The following SLC26A7 variants were observed in gnomAD, a reference collection of about 807,000 sequenced individuals.
The protein encoded by SLC26A7 is solute carrier family 26 member 7.
In SLC26A7, 59 loss-of-function variants were observed where a neutral mutation model predicts 82.5. The observed-to-expected ratio is 0.72, with a 90% CI of 0.58 to 0.89. The LOEUF is 0.89. Among genes scored for constraint, SLC26A7 ranks in the 40% least tolerant of loss-of-function variants. The pLI, the probability that SLC26A7 is intolerant of heterozygous loss-of-function variation, is 0.00. For missense variants in SLC26A7, 820 were observed against 793.0 expected (o/e 1.03, Z -0.41); for synonymous variants, 271 against 274.3 (o/e 0.99, Z 0.12).
At chr8:91,239,295 G>A (rs1252185188) in intron 2 of SLC26A7, among the ~76,000 whole-genome samples, 2 of 150,786 alleles carry the variant, frequency 1.3e-5, no homozygotes, top group East Asian at 3.9e-4. Context: ...GCGTGAGCCC[G>A]GGAGGCGGAG....
intron 11 of SLC26A7, among the ~76,000 whole-genome samples, chr8:91,358,479 G>C (rs538968986): frequency 1.5e-4 from 23 of 151,714 alleles, no homozygotes; most frequent in African/African-American, 5.6e-4. Flanking sequence ...ACAGGTGCCC[G>C]CCACCAGGCC....
chr8:91,307,824 AT>A (rs1413509621), intron 4 of SLC26A7, among the ~76,000 whole-genome samples: 1 of 151,088 alleles, frequency 6.6e-6, no homozygotes, highest in Admixed American at 6.6e-5. Context: ...AATAAAAAAA[AT>A]AAATTTCTTA....
intron 16 of SLC26A7, among the ~76,000 whole-genome samples, chr8:91,392,531 G>T (rs1808432848): frequency 6.6e-6 from 1 of 152,130 alleles, no homozygotes; most frequent in South Asian, 2.1e-4. Flanking sequence ...TTCTGAAAGT[G>T]TAAATAATAT....
At chr8:91,363,715 A>G (rs909650842) in intron 13 of SLC26A7, among the ~76,000 whole-genome samples, 177 bp downstream of exon 13, 10 of 152,160 alleles carry the variant, frequency 6.6e-5, no homozygotes, top group Non-Finnish European at 1.5e-4. Context: ...TACATGCAAC[A>G]AATCAATAGA....
chr8:91,353,677 A>G (rs1356953818), intron 11 of SLC26A7, among the ~76,000 whole-genome samples: 1 of 152,112 alleles, frequency 6.6e-6, no homozygotes, highest in African/African-American at 2.4e-5. Flanking sequence ...ATATTGGAAT[A>G]TAATTATTAA....
intron 15 of SLC26A7, among the ~76,000 whole-genome samples, chr8:91,388,613 A>G (rs1164056186): frequency 6.6e-6 from 1 of 152,152 alleles, no homozygotes; most frequent in African/African-American, 2.4e-5. Context: ...TTGCTCTGAA[A>G]GCCACATCAC....
chr8:91,328,968 T>C (rs890920283), intron 5 of SLC26A7, among the ~76,000 whole-genome samples: 2 of 152,132 alleles, frequency 1.3e-5, no homozygotes, highest in African/African-American at 4.8e-5. Context: ...AGCTGAACTC[T>C]CAATATATAA....
chr8:91,322,681 T>C (rs1812824774), intron 5 of SLC26A7, among the ~76,000 whole-genome samples: 1 of 152,192 alleles, frequency 6.6e-6, no homozygotes, highest in Non-Finnish European at 1.5e-5. Flanking sequence ...CTATGATAAA[T>C]TTGGCAAGGA....
At chr8:91,263,755 T>C (rs1811034420) in intron 2 of SLC26A7, among the ~76,000 whole-genome samples, 3 of 152,058 alleles carry the variant, frequency 2.0e-5, no homozygotes, top group Admixed American at 2.0e-4. Flanking sequence ...TAACTTCCAA[T>C]ACTTCTTTCT....
Position 91,313,513 on chromosome 8 carries a change from C to A in SLC26A7, c.478-4703C>A, listed in dbSNP as rs533021448. 2.0e-5 allele frequency among the ~76,000 whole-genome samples: 3 copies of A among 152,204 alleles called. No homozygotes were observed. The South Asian group carries it at 6.2e-4, about 32-fold the overall frequency. The stretch of plus-strand genomic sequence containing the variant: ...TAAATTGTTTTCCTAATGTTATTAG[C>A]AATTTAACTCTTTCCCCCAAACCTG... On this transcript the variant is annotated intron_variant, in intron 4 of 18. Transcript: ENST00000276609.
chr8:91,340,401 C>T lies in SLC26A7; in HGVS notation c.879-3C>T, dbSNP rs1420873381. On this transcript the variant is annotated splice_polypyrimidine_tract_variant and splice_region_variant and intron_variant, in intron 7 of 18. Coordinates refer to ENST00000276609, the MANE Select transcript of SLC26A7 (RefSeq NM_052832.4). ...GACTTCAATATGGTCCTTCTTTCCA[C>T]AGAATTCCCTCACCTAGAGCTCCCC... The T allele has an allele frequency of 1.2e-6, 2 of 1,613,128 alleles. No individual in the cohort carries two copies. The highest frequency in any genetic ancestry group is 1.7e-5 in the Admixed American group (1 of 59,912).
At chr8:91,341,139 C>A (rs1464154573) in intron 8 of SLC26A7, among the ~76,000 whole-genome samples, 1 of 151,680 alleles carries the variant, frequency 6.6e-6, no homozygotes, top group Non-Finnish European at 1.5e-5. Context: ...CCTCCCTCCT[C>A]CCCCCACCCC....
intron 6 of SLC26A7, among the ~76,000 whole-genome samples, chr8:91,334,999 C>A (rs1184709579): frequency 3.9e-5 from 6 of 152,092 alleles, no homozygotes; most frequent in Non-Finnish European, 8.8e-5. Flanking sequence ...TTACATTTTG[C>A]TCCTAAGGCT....
At chr8:91,258,171 A>C (rs1406250652) in intron 2 of SLC26A7, among the ~76,000 whole-genome samples, 1 of 152,114 alleles carries the variant, frequency 6.6e-6, no homozygotes, top group Admixed American at 6.6e-5. Flanking sequence ...TATATCACCC[A>C]GGTATTAAGC....
intron 18 of SLC26A7, 134 bp downstream of exon 18, chr8:91,394,173 A>T (rs2130910989): frequency 6.2e-6 from 10 of 1,607,600 alleles, no homozygotes; most frequent in Non-Finnish European, 8.5e-6. Flanking sequence ...ACCCCACCTC[A>T]GACTTTCTAT....
At chr8:91,295,997 G>C (rs1812006442) in intron 4 of SLC26A7, among the ~76,000 whole-genome samples, 1 of 152,176 alleles carries the variant, frequency 6.6e-6, no homozygotes, top group African/African-American at 2.4e-5. Flanking sequence ...AAGGCAATGA[G>C]GCAATCCCTG....
At chr8:91,393,774 G>T in intron 16 of SLC26A7, 23 bp from the exon 17 acceptor site, 1 of 1,610,648 alleles carries the variant, frequency 6.2e-7, no homozygotes, top group Non-Finnish European at 8.5e-7. Context: ...TTAATTGTGG[G>T]TATCCTATTT....
intron 2 of SLC26A7, among the ~76,000 whole-genome samples, chr8:91,272,988 A>G (rs955571180): frequency 2.6e-5 from 4 of 152,220 alleles, no homozygotes; most frequent in African/African-American, 9.6e-5. Flanking sequence ...TTCCATCCAT[A>G]TTAAGTGGAA....
At chr8:91,272,159 T>C (rs1811290466) in intron 2 of SLC26A7, among the ~76,000 whole-genome samples, 1 of 152,190 alleles carries the variant, frequency 6.6e-6, no homozygotes, top group Admixed American at 6.5e-5. Flanking sequence ...TACCCTTTCA[T>C]CTACCTGATA....
Sources: gnomAD v4.1 joint callset for allele counts (sites outside exome capture counted in the v4.1 genomes callset) on GRCh38, gnomAD v4.1.1 for gene constraint, MANE v1.5 for transcripts, NCBI Gene and HGNC (gene_info 2026-07-23, HGNC 2026-07-21) for gene names.